Variants in NEURL1 observed in about 807,000 individuals in gnomAD.
NEURL1 encodes E3 ubiquitin-protein ligase NEURL1.
Under a neutral mutation model 41.2 loss-of-function variants are expected in NEURL1, and 26 were observed. That is an observed-to-expected ratio of 0.63 (90% CI 0.46 to 0.87). The LOEUF (loss-of-function observed/expected upper bound fraction) is 0.87, where lower values mean the gene tolerates loss of function less well. NEURL1 is among the 40% of genes least tolerant of loss of function. The probability of loss-of-function intolerance (pLI) is 0.00; values close to 1 mark genes in which losing one functional copy is unlikely to be tolerated. For synonymous variants in NEURL1, 400 were observed against 402.3 expected (o/e 0.99, Z 0.07); for missense variants, 761 against 871.1 (o/e 0.87, Z 1.59).
chr10:103,554,072 C>T (rs759793139), intron 1 of NEURL1, among the ~76,000 whole-genome samples: 1 of 152,250 alleles, frequency 6.6e-6, no homozygotes, highest in Non-Finnish European at 1.5e-5. Context: ...CACTGCCACC[C>T]ACACAGTTCC....
At chr10:103,494,547 C>G in intron 1 of NEURL1, 75 bp downstream of exon 1, 1 of 1,271,796 alleles carries the variant, frequency 7.9e-7, no homozygotes. Context: ...TTGGGGAGGG[C>G]GGGCAGACGC....
chr10:103,589,426 C>T, intron 4 of NEURL1, 88 bp from the exon 5 acceptor site: 1 of 1,450,328 alleles, frequency 6.9e-7, no homozygotes, highest in Non-Finnish European at 9.2e-7. Flanking sequence ...TGTGGTCAGG[C>T]CTGGGAACCC....
At chr10:103,507,778 G>A (rs548614897) in intron 1 of NEURL1, among the ~76,000 whole-genome samples, 15 of 152,330 alleles carry the variant, frequency 9.8e-5, no homozygotes, top group Admixed American at 7.8e-4. Context: ...TGGCTCCCAG[G>A]AGGGCAGAGG....
At chr10:103,521,702 CT>C (rs1477527195) in intron 1 of NEURL1, among the ~76,000 whole-genome samples, 2 of 152,130 alleles carry the variant, frequency 1.3e-5, no homozygotes, top group Non-Finnish European at 2.9e-5. Flanking sequence ...AACCATTTGC[CT>C]TGTGTGGGAA....
At chr10:103,523,810 GTA>G (rs2034406639) in intron 1 of NEURL1, among the ~76,000 whole-genome samples, 1 of 152,132 alleles carries the variant, frequency 6.6e-6, no homozygotes, top group African/African-American at 2.4e-5. Context: ...ATTCCATTGT[GTA>G]TATATACCAC....
Position 103,558,040 on chromosome 10 carries a change from G to T in NEURL1, c.86-12832G>T, listed in dbSNP as rs972876168. On this transcript the variant is annotated intron_variant, in intron 1 of 5. Coordinates refer to ENST00000369780, the MANE Select transcript of NEURL1 (RefSeq NM_004210.5). This position sits in a 1 kb window ranked among gnomAD's most constrained non-coding sequence, Gnocchi z 4.2. ...ATCACAGGCACCCACCACCATGCCC[G>T]GCTAATTTTTTGTATTTTTAGTAGA... The T allele has an allele frequency of 4.1e-5, 10 of 242,468 alleles. No individual in the cohort carries two copies. The highest frequency in any genetic ancestry group is 6.6e-5 in the Non-Finnish European group (10 of 150,900). The allele number at this position is 242,468 out of a possible 1,614,324, so 15.0% of individuals were successfully genotyped here. A position where few individuals can be genotyped will look rare whatever the true frequency, so the allele number is the denominator to read the frequency against.
intron 1 of NEURL1, among the ~76,000 whole-genome samples, chr10:103,495,927 G>C (rs1325098102): frequency 6.6e-6 from 1 of 152,182 alleles, no homozygotes; most frequent in African/African-American, 2.4e-5. Flanking sequence ...GGCCAACATG[G>C]CGAAACACTG....
chr10:103,590,403 T>C lies in NEURL1; in HGVS notation c.*31T>C, dbSNP rs2133888207. ...TGCGGTGGCCCATCCCGCATACCCA[T>C]CTTCTCGGGCTTCAGCCCAGTCCCA... is the stretch of plus-strand genomic sequence containing the variant. On this transcript the variant is annotated 3_prime_UTR_variant, in exon 6 of 6. Coordinates refer to ENST00000369780, the MANE Select transcript of NEURL1 (RefSeq NM_004210.5). 6.4e-7 allele frequency: 1 copy of C among 1,569,430 alleles called. No individual in the cohort carries two copies. Among genetic ancestry groups the C allele is most frequent in the Non-Finnish European group, 8.8e-7 (1 of 1,140,686 alleles).
At chr10:103,534,726 C>T (rs2034654337) in intron 1 of NEURL1, among the ~76,000 whole-genome samples, 1 of 152,156 alleles carries the variant, frequency 6.6e-6, no homozygotes. Context: ...TGCAGCAGCC[C>T]TGAGTTCCAG....
intron 1 of NEURL1, among the ~76,000 whole-genome samples, chr10:103,549,752 C>T (rs1378551693): frequency 1.3e-5 from 2 of 152,236 alleles, no homozygotes; most frequent in African/African-American, 4.8e-5. Context: ...TCACTTCCCC[C>T]TACTTCATAA....
intron 3 of NEURL1, among the ~76,000 whole-genome samples, chr10:103,575,177 C>T (rs2035634727): frequency 6.6e-6 from 1 of 152,022 alleles, no homozygotes; most frequent in Non-Finnish European, 1.5e-5. Flanking sequence ...CTTCCCGCCC[C>T]TCCCTCTCTC....
chr10:103,514,378 C>T (rs1242063196), intron 1 of NEURL1, among the ~76,000 whole-genome samples: 2 of 152,144 alleles, frequency 1.3e-5, no homozygotes, highest in Non-Finnish European at 2.9e-5. Flanking sequence ...CTGCCATGGA[C>T]CGCGTCCCCG....
chr10:103,502,089 C>T lies in NEURL1; in HGVS notation c.85+7617C>T, dbSNP rs146291844. Among the ~76,000 whole-genome samples, 1,381 of 152,238 alleles carry T rather than the reference C, an allele frequency of 9.1e-3. 17 individuals carry two copies. The highest frequency in any genetic ancestry group is 0.031 in the African/African-American group (1,277 of 41,524). On this transcript the variant is annotated intron_variant, in intron 1 of 5. Transcript: ENST00000369780. Reference sequence around the variant, plus strand: ...GCTCTTATTATTCCCATTTTATACACGAGACAGCTGAGATTAATGGATGTG... The same window carrying T: ...GCTCTTATTATTCCCATTTTATACATGAGACAGCTGAGATTAATGGATGTG...
At chr10:103,542,321 G>A (rs190804634) in intron 1 of NEURL1, among the ~76,000 whole-genome samples, 3 of 152,282 alleles carry the variant, frequency 2.0e-5, no homozygotes, top group African/African-American at 7.2e-5. Flanking sequence ...GTACAGTGGC[G>A]TGATCTCTGC....
At chr10:103,533,753 G>A (rs528640935) in intron 1 of NEURL1, among the ~76,000 whole-genome samples, 32 of 152,188 alleles carry the variant, frequency 2.1e-4, no homozygotes, top group Admixed American at 5.2e-4. Flanking sequence ...AGCCAGGATG[G>A]TCTCGATCTG....
chr10:103,580,895 C>G (rs1002256169), intron 3 of NEURL1, among the ~76,000 whole-genome samples: 2 of 152,202 alleles, frequency 1.3e-5, no homozygotes, highest in African/African-American at 4.8e-5. Flanking sequence ...TCTTCTTTAT[C>G]CTCTCACCTC....
chr10:103,585,343 C>G (rs2035897579), intron 4 of NEURL1, 118 bp downstream of exon 4: 1 of 936,586 alleles, frequency 1.1e-6, no homozygotes, highest in Admixed American at 3.1e-5. Flanking sequence ...GCTAAGGAAT[C>G]ACAGACACCT....
chr10:103,573,489 C>T lies in NEURL1; in HGVS notation c.649+1667C>T, dbSNP rs373298021. 2.0e-5 allele frequency among the ~76,000 whole-genome samples: 3 copies of T among 152,054 alleles called. No homozygotes were observed. The East Asian group carries it at 5.8e-4, about 29-fold the overall frequency. Reference sequence around the variant, plus strand: ...AGGGGGTCAGTGGCTGTCATTTGTCCCCACCCATTCTGGGGAGGACAGTTC... The same window carrying T: ...AGGGGGTCAGTGGCTGTCATTTGTCTCCACCCATTCTGGGGAGGACAGTTC... On this transcript the variant is annotated intron_variant, in intron 3 of 5. Coordinates refer to ENST00000369780, the MANE Select transcript of NEURL1 (RefSeq NM_004210.5).
At chr10:103,497,995 AG>A (rs1376019110) in intron 1 of NEURL1, among the ~76,000 whole-genome samples, 2 of 152,168 alleles carry the variant, frequency 1.3e-5, no homozygotes, top group Non-Finnish European at 2.9e-5. Flanking sequence ...GTGTGGAAGA[AG>A]GGGGAAAGGC....
Sources: allele counts gnomAD v4.1 joint callset (sites outside exome capture counted in the v4.1 genomes callset), GRCh38; gene constraint gnomAD v4.1.1; non-coding constraint Gnocchi (gnomAD v3.1); transcripts MANE v1.5; gene names NCBI Gene and HGNC (gene_info 2026-07-23, HGNC 2026-07-21).